The following NAALADL2 variants were observed in gnomAD, a reference collection of about 807,000 sequenced individuals.
NAALADL2 encodes N-acetylated alpha-linked acidic dipeptidase like 2.
NAALADL2 carries 76 observed loss-of-function variants against 87.2 expected under a neutral mutation model. The observed-to-expected ratio is 0.87, with a 90% CI of 0.72 to 1.05. The LOEUF is 1.05. Ranked by LOEUF, NAALADL2 falls within the 50% of genes least tolerant of loss-of-function variation. The pLI, the probability that NAALADL2 is intolerant of heterozygous loss-of-function variation, is 0.00. For missense variants in NAALADL2, 1,089 were observed against 945.8 expected, an observed-to-expected ratio of 1.15 and a Z score of -1.99; for synonymous variants, 354 against 331.0, an observed-to-expected ratio of 1.07 and a Z score of -0.75.
chr3:175,542,246 G>A (rs1430264993), intron 9 of NAALADL2, among the ~76,000 whole-genome samples: 1 of 152,146 alleles, frequency 6.6e-6, no homozygotes, highest in Non-Finnish European at 1.5e-5. Context: ...GAACTAAGAA[G>A]TTTCTAGACA....
chr3:174,508,115 T>TTTTTTTTTTTTTG (rs1560020990), intron 1 of NAALADL2, among the ~76,000 whole-genome samples: 1 of 73,034 alleles, frequency 1.4e-5, no homozygotes, highest in Non-Finnish European at 2.9e-5. Context: ...TATCTAGTGG[T>TTTTTTTTTTTTTG]TTTTTTTTTT....
At chr3:174,931,600 CAA>C (rs144359568) in intron 1 of NAALADL2, among the ~76,000 whole-genome samples, 59 of 152,140 alleles carry the variant, frequency 3.9e-4, no homozygotes, top group African/African-American at 1.4e-3. Context: ...AAGGAAGAAA[CAA>C]ATTATGAGAC....
chr3:174,973,020 C>T (rs1015249469), intron 1 of NAALADL2, among the ~76,000 whole-genome samples: 9 of 149,368 alleles, frequency 6.0e-5, no homozygotes, highest in African/African-American at 2.2e-4. Context: ...AAAAATCCCA[C>T]TTAATTTAAA....
intron 5 of NAALADL2, among the ~76,000 whole-genome samples, chr3:175,331,066 G>A (rs1761333407): frequency 6.6e-6 from 1 of 152,196 alleles, no homozygotes; most frequent in South Asian, 2.1e-4. Flanking sequence ...ATAAATTTTG[G>A]TCACATACAA....
chr3:174,623,937 T>C (rs1225080630), intron 2 of NAALADL2, among the ~76,000 whole-genome samples: 2 of 152,094 alleles, frequency 1.3e-5, no homozygotes, highest in South Asian at 4.1e-4. Flanking sequence ...AGTAGAGTGA[T>C]CGATTTAGTT....
chr3:174,994,649 G>C (rs1008824053), intron 1 of NAALADL2, among the ~76,000 whole-genome samples: 6 of 150,462 alleles, frequency 4.0e-5, no homozygotes, highest in Non-Finnish European at 8.9e-5. Flanking sequence ...TGACCACAGA[G>C]CAATATGTAA....
chr3:175,646,255 A>C (rs1384709152), intron 11 of NAALADL2, among the ~76,000 whole-genome samples: 2 of 152,026 alleles, frequency 1.3e-5, no homozygotes, highest in African/African-American at 4.8e-5. Context: ...TATATTTAAA[A>C]GTGACATTTT....
At chr3:174,999,826 G>C (rs1057085465) in intron 1 of NAALADL2, among the ~76,000 whole-genome samples, 1 of 152,046 alleles carries the variant, frequency 6.6e-6, no homozygotes, top group African/African-American at 2.4e-5. Context: ...CATAAACATA[G>C]ATAAACATAT....
At chr3:174,582,979 G>A (rs952968353) in intron 2 of NAALADL2, among the ~76,000 whole-genome samples, 7 of 152,252 alleles carry the variant, frequency 4.6e-5, no homozygotes, top group East Asian at 1.9e-4. Context: ...AGTTCATCTG[G>A]CATGCAAATG....
intron 2 of NAALADL2, among the ~76,000 whole-genome samples, chr3:175,137,088 T>C (rs1729222207): frequency 6.6e-6 from 1 of 152,154 alleles, no homozygotes; most frequent in African/African-American, 2.4e-5. Flanking sequence ...AATATCTGTA[T>C]TATAAAATTT....
intron 5 of NAALADL2, among the ~76,000 whole-genome samples, chr3:175,370,542 A>G (rs954600265): frequency 1.5e-4 from 23 of 152,024 alleles, no homozygotes; most frequent in African/African-American, 4.6e-4. Context: ...ATTCATTTGC[A>G]TGTTAAGCAA....
chr3:174,769,626 T>A (rs1053845200), intron 3 of NAALADL2, among the ~76,000 whole-genome samples: 5 of 151,470 alleles, frequency 3.3e-5, no homozygotes, highest in Non-Finnish European at 7.4e-5. Flanking sequence ...TGATTTGCCC[T>A]CTATCATAAA....
intron 11 of NAALADL2, among the ~76,000 whole-genome samples, chr3:175,720,383 T>G (rs1466392261): frequency 6.6e-6 from 1 of 151,906 alleles, no homozygotes; most frequent in Non-Finnish European, 1.5e-5. Flanking sequence ...GAAAAAGGAA[T>G]GTATATAAAT....
intron 9 of NAALADL2, among the ~76,000 whole-genome samples, chr3:175,541,738 T>C (rs1339829718): frequency 6.6e-6 from 1 of 152,202 alleles, no homozygotes; most frequent in Admixed American, 6.5e-5. Flanking sequence ...TTGTTTGTTT[T>C]TTGAGACAGA....
intron 1 of NAALADL2, among the ~76,000 whole-genome samples, chr3:174,935,918 G>T (rs1737623901): frequency 6.6e-6 from 1 of 152,098 alleles, no homozygotes; most frequent in African/African-American, 2.4e-5. Context: ...TTGGGTAATT[G>T]TCACATTATT....
chr3:174,944,792 G>T (rs1053508420), intron 1 of NAALADL2, among the ~76,000 whole-genome samples: 1 of 152,182 alleles, frequency 6.6e-6, no homozygotes, highest in Admixed American at 6.5e-5. Flanking sequence ...AAATATCCAT[G>T]AGAGAAGCAT....
chr3:174,954,108 C>T (rs565287698), intron 1 of NAALADL2, among the ~76,000 whole-genome samples: 1 of 152,182 alleles, frequency 6.6e-6, no homozygotes, highest in South Asian at 2.1e-4. Flanking sequence ...TTGCAATATT[C>T]CTTCTGGCAC....
chr3:175,762,223 G>T (rs928077623), intron 13 of NAALADL2, among the ~76,000 whole-genome samples: 1 of 113,288 alleles, frequency 8.8e-6, no homozygotes, highest in African/African-American at 3.2e-5. Flanking sequence ...TAGATGTCCA[G>T]TTGTTCCAGC....
At chr3:175,602,467 T>G (rs554180848) in intron 10 of NAALADL2, among the ~76,000 whole-genome samples, 22 of 142,472 alleles carry the variant, frequency 1.5e-4, no homozygotes, top group South Asian at 4.4e-4. Flanking sequence ...TCTATATATA[T>G]AGAGAGAGAG....
Sources: gnomAD v4.1 joint callset for allele counts (sites outside exome capture counted in the v4.1 genomes callset) on GRCh38, gnomAD v4.1.1 for gene constraint, MANE v1.5 for transcripts, NCBI Gene and HGNC (gene_info 2026-07-23, HGNC 2026-07-21) for gene names.